Variants in CFAP46 observed in about 807,000 individuals in gnomAD.
CFAP46 encodes the protein cilia and flagella associated protein 46.
CFAP46 carries 245 observed loss-of-function variants against 325.7 expected under a neutral mutation model. The observed-to-expected ratio is 0.75, with a 90% CI of 0.68 to 0.84. The LOEUF (loss-of-function observed/expected upper bound fraction) is 0.84, where lower values mean the gene tolerates loss of function less well. Among genes scored for constraint, CFAP46 ranks in the 40% least tolerant of loss-of-function variants. The probability of loss-of-function intolerance (pLI) is 0.00; values close to 1 mark genes in which losing one functional copy is unlikely to be tolerated. For missense variants in CFAP46, 3,346 were observed against 3,543.0 expected, an observed-to-expected ratio of 0.94 and a Z score of 1.41; for synonymous variants, 1,523 against 1,495.9, an observed-to-expected ratio of 1.02 and a Z score of -0.42.
rs560940743 is a variant in CFAP46, at chr10:132,942,319, C to G, written c.49+117G>C. Reference sequence around the variant, plus strand: ...AGGTGGGGGCTCCGGCTGTGGCCCTCGAGGGATCACCCATTGGGCGGGCTG... The same window carrying G: ...AGGTGGGGGCTCCGGCTGTGGCCCTGGAGGGATCACCCATTGGGCGGGCTG... On this transcript the variant is annotated intron_variant, in intron 1 of 57. Transcript: ENST00000368586. The G allele has an allele frequency of 6.2e-6, 5 of 809,402 alleles. No individual in the cohort carries two copies. In the South Asian group the frequency reaches 9.6e-5, roughly 15 times the overall value. 50.1% of individuals were successfully genotyped at this position (809,402 alleles called of 1,614,324 possible).
chr10:132,825,396 T>C (rs1848028544), intron 50 of CFAP46, among the ~76,000 whole-genome samples: 1 of 152,188 alleles, frequency 6.6e-6, no homozygotes, highest in Non-Finnish European at 1.5e-5. Flanking sequence ...TGTTAGCATT[T>C]CTTACCATCT....
chr10:132,902,746 T>C (rs1849408302), intron 22 of CFAP46, among the ~76,000 whole-genome samples: 1 of 152,220 alleles, frequency 6.6e-6, no homozygotes, highest in Admixed American at 6.5e-5. Flanking sequence ...GCTGAAAGTG[T>C]GGATTGTGTC....
Position 132,859,127 on chromosome 10 carries a change from G to A in CFAP46, c.5319C>T (p.Asp1773=). The A allele has an allele frequency of 6.4e-7, 1 of 1,551,076 alleles. No individual in the cohort carries two copies. The highest frequency in any genetic ancestry group is 8.7e-7 in the Non-Finnish European group (1 of 1,147,118). ...GLLEIERKFI[D]CGCKENCVDV... ...CAACACAATTCTCTTTGCAGCCACAGTCGATAAACTTTCTCTCAATTTCCA... is the reference window on the plus strand; with the variant it reads ...CAACACAATTCTCTTTGCAGCCACAATCGATAAACTTTCTCTCAATTTCCA... Residue 1773 remains aspartate (D), a synonymous_variant, in exon 38 of 58, where the codon GAC becomes GAT. Transcript: ENST00000368586.
At chr10:132,814,339 A>G in intron 53 of CFAP46, 85 bp from the exon 54 acceptor site, 1 of 1,196,612 alleles carries the variant, frequency 8.4e-7, no homozygotes. Context: ...GAGGGGTCAC[A>G]GCGAATGCAG....
intron 44 of CFAP46, among the ~76,000 whole-genome samples, chr10:132,843,329 C>G (rs552486122): frequency 6.9e-6 from 1 of 144,724 alleles, no homozygotes; most frequent in Non-Finnish European, 1.5e-5. Flanking sequence ...GGGGCTGCTC[C>G]TGGTGGGCAT....
At chr10:132,908,270 CGCGCTCCCTGCCCGTTTTGGGG>C in intron 22 of CFAP46, 176 bp downstream of exon 22, 1 of 615,794 alleles carries the variant, frequency 1.6e-6, no homozygotes, top group Non-Finnish European at 2.8e-6. Flanking sequence ...CGCCCAGGCC[CGCGCTCCCTGCCCGTTTTGGGG>C]ACCTGGTGGG....
In CFAP46 at chr10:132,847,300, G is replaced by A. The variant is rs1848455403; in HGVS notation, c.5974C>T (p.Leu1992Phe). 6.2e-7 allele frequency: 1 copy of A among 1,613,400 alleles called. No homozygotes were observed. The highest frequency in any genetic ancestry group is 1.7e-5 in the Admixed American group (1 of 60,000). ...GPSVGAKLSG[L>F]KSLELEVEEE... ...TCTACCTCCAGCTCCAGAGACTTGAGGCCGCTCAGCTTGGCGCCCACCTGT... is the reference window on the plus strand; with the variant it reads ...TCTACCTCCAGCTCCAGAGACTTGAAGCCGCTCAGCTTGGCGCCCACCTGT... The change falls in exon 42 of 58, where the codon CTC becomes TTC. Residue 1992 changes from leucine (L) to phenylalanine (F), a missense_variant. Coordinates refer to ENST00000368586, the MANE Select transcript of CFAP46 (RefSeq NM_001200049.3). This position sits in a 1 kb window ranked among gnomAD's most constrained non-coding sequence, Gnocchi z 5.2.
At chr10:132,848,356 C>G (rs1848475630) in intron 41 of CFAP46, among the ~76,000 whole-genome samples, 1 of 152,192 alleles carries the variant, frequency 6.6e-6, no homozygotes, top group Admixed American at 6.5e-5. Flanking sequence ...TTTGGAGAAA[C>G]AGCCTGAAAT....
chr10:132,900,435 T>C (rs897426068), intron 22 of CFAP46, among the ~76,000 whole-genome samples: 1 of 152,246 alleles, frequency 6.6e-6, no homozygotes, highest in Non-Finnish European at 1.5e-5. Flanking sequence ...AGCACGCCCT[T>C]GCGGCTCAGC....
Position 132,834,126 on chromosome 10 carries a change from G to A in CFAP46, c.6867-3C>T. The A allele has an allele frequency of 6.2e-7, 1 of 1,613,902 alleles. No individual in the cohort carries two copies. The highest frequency in any genetic ancestry group is 2.2e-5 in the East Asian group (1 of 44,876). On this transcript the variant is annotated splice_region_variant and splice_polypyrimidine_tract_variant and intron_variant, in intron 48 of 57. Coordinates refer to ENST00000368586, the MANE Select transcript of CFAP46 (RefSeq NM_001200049.3). ...CAACAACCGCAGGTGTCTGCACTCT[G>A]AAAGTCAGGTTATATATTCGGGTTT...
chr10:132,922,738 T>C (rs1383540362), intron 11 of CFAP46, 30 bp from the exon 12 acceptor site: 2 of 1,510,632 alleles, frequency 1.3e-6, no homozygotes, highest in Non-Finnish European at 9.0e-7. Flanking sequence ...TCAGGGGCCC[T>C]GGCGGCGCTG....
chr10:132,878,461 G>A (rs1198293678), intron 29 of CFAP46, among the ~76,000 whole-genome samples: 1 of 152,182 alleles, frequency 6.6e-6, no homozygotes. Context: ...GAGGACGCTA[G>A]GCACGCCTCC....
At chr10:132,938,794 C>A in intron 4 of CFAP46, 41 bp from the exon 5 acceptor site, 1 of 1,585,640 alleles carries the variant, frequency 6.3e-7, no homozygotes, top group African/African-American at 1.3e-5. Context: ...CGCTCAAAGC[C>A]CAGCCGGCCC....
chr10:132,869,976 T>C lies in CFAP46; in HGVS notation c.4512-604A>G, dbSNP rs573723508. ...TTGCATATTTTACAAATTGAAAGTC[T>C]GGGGCAGCCCTGAGCGACCAAGTCC... On this transcript the variant is annotated intron_variant, in intron 32 of 57. Transcript: ENST00000368586. The surrounding 1 kb of genome is among the most constrained non-coding windows in gnomAD (Gnocchi z 6.2). 1.9e-4 allele frequency among the ~76,000 whole-genome samples: 29 copies of C among 152,330 alleles called. No homozygotes were observed. The highest frequency in any genetic ancestry group is 6.8e-3 in the Middle Eastern group (2 of 294).
chr10:132,859,268 G>T, intron 37 of CFAP46, 21 bp from the exon 38 acceptor site: 2 of 1,540,084 alleles, frequency 1.3e-6, no homozygotes, highest in South Asian at 1.2e-5. Context: ...GACGGTTTGG[G>T]GCCTGGAGTC....
At chr10:132,848,665 G>T (rs967340397) in intron 41 of CFAP46, among the ~76,000 whole-genome samples, 9 of 152,212 alleles carry the variant, frequency 5.9e-5, no homozygotes, top group African/African-American at 1.9e-4. Context: ...GAAGTCACAA[G>T]AACAGCGAAA....
intron 24 of CFAP46, chr10:132,898,658 C>G (rs879503835): frequency 4.5e-6 from 2 of 448,380 alleles, no homozygotes; most frequent in African/African-American, 4.0e-5. Context: ...ATCCAAGCCT[C>G]TTAAGGCAGG....
rs142860626 is a variant in CFAP46, at chr10:132,860,591, C to T, written c.5092-68G>A. 7.2e-4 allele frequency: 937 copies of T among 1,294,214 alleles called. 19 individuals are homozygous for T. The East Asian group carries it at 0.021, about 29-fold the overall frequency. The allele number at this position is 1,294,214 out of a possible 1,614,324, so 80.2% of individuals were successfully genotyped here. The stretch of plus-strand genomic sequence containing the variant: ...GCAGGCATGGATACAGGCCTGAGGA[C>T]GGGCGGGCAGGGACAGATACGGGCC... On this transcript the variant is annotated intron_variant, in intron 36 of 57. Transcript: ENST00000368586.
At position 132,832,170 on chromosome 10, in the gene CFAP46, A is replaced by C. The variant is rs1298907866; in HGVS notation, c.7117+1188T>G. On this transcript the variant is annotated intron_variant, in intron 50 of 57. Transcript: ENST00000368586. The surrounding 1 kb of genome is among the most constrained non-coding windows in gnomAD (Gnocchi z 4.1). ...AGATTTTGAAAATAAAGGCGTTTTA[A>C]GTATTTATCCGTGTTTTCACTATTT... 1.3e-5 allele frequency among the ~76,000 whole-genome samples: 2 copies of C among 152,102 alleles called. No homozygotes were observed. Among genetic ancestry groups the C allele is most frequent in the Non-Finnish European group, 2.9e-5 (2 of 68,022 alleles).
Sources: allele counts gnomAD v4.1 joint callset (sites outside exome capture counted in the v4.1 genomes callset), GRCh38; gene constraint gnomAD v4.1.1; non-coding constraint Gnocchi (gnomAD v3.1); transcripts MANE v1.5; gene names NCBI Gene and HGNC (gene_info 2026-07-23, HGNC 2026-07-21).